The following MROH2A variants were observed in gnomAD, a reference collection of about 807,000 sequenced individuals.
MROH2A encodes the protein maestro heat-like repeat-containing protein family member 2A.
In MROH2A, 174 loss-of-function variants were observed where a neutral mutation model predicts 200.4. That is an observed-to-expected ratio of 0.87 (90% CI 0.77 to 0.98). MROH2A has a LOEUF of 0.98. MROH2A is among the 50% of genes least tolerant of loss of function. MROH2A has a pLI of 0.00. For missense variants in MROH2A, 2,045 were observed against 2,139.6 expected, an observed-to-expected ratio of 0.96 and a Z score of 0.87; for synonymous variants, 829 against 840.4, an observed-to-expected ratio of 0.99 and a Z score of 0.23.
chr2:233,797,709 T>C (rs1702208145), intron 11 of MROH2A, among the ~76,000 whole-genome samples: 1 of 152,170 alleles, frequency 6.6e-6, no homozygotes, highest in Admixed American at 6.5e-5. Context: ...GAAATTAGTA[T>C]TTGCCCTAAT....
chr2:233,799,279 G>C (rs1207030933), intron 12 of MROH2A, among the ~76,000 whole-genome samples: 1 of 152,200 alleles, frequency 6.6e-6, no homozygotes, highest in African/African-American at 2.4e-5. Flanking sequence ...CTGGCCATGG[G>C]CTGGGGAAGG....
At chr2:233,790,076 C>T (rs1234510554) in intron 5 of MROH2A, 62 bp downstream of exon 5, 4 of 1,403,984 alleles carry the variant, frequency 2.8e-6, no homozygotes, top group Non-Finnish European at 3.8e-6. Context: ...CCTCTCTCTG[C>T]CCCTCCCATC....
At chr2:233,805,335 G>A (rs1702726182) in intron 19 of MROH2A, among the ~76,000 whole-genome samples, 1 of 152,162 alleles carries the variant, frequency 6.6e-6, no homozygotes, top group Non-Finnish European at 1.5e-5. Flanking sequence ...AATCACATGT[G>A]TGTATTTCTT....
chr2:233,813,696 A>G lies in MROH2A; in HGVS notation c.2678A>G (p.Glu893Gly). 6.5e-7 allele frequency: 1 copy of G among 1,550,048 alleles called. No individual in the cohort carries two copies. Among genetic ancestry groups the G allele is most frequent in the South Asian group, 1.2e-5 (1 of 83,990 alleles). ...LSKLKPFYST[E>G]ENSELMDISI... The stretch of plus-strand genomic sequence containing the variant: ...AAGCTGAAGCCTTTCTACTCCACAG[A>G]GGAAAACAGTGAGCTGATGGATATC... The change falls in exon 25 of 42, where the codon GAG becomes GGG. Residue 893 changes from glutamate (E) to glycine (G), a missense_variant. By Grantham distance (98) the Glu-to-Gly change is moderately conservative. Transcript: ENST00000389758.
chr2:233,803,008 T>C (rs1702567394), intron 15 of MROH2A, among the ~76,000 whole-genome samples: 2 of 152,240 alleles, frequency 1.3e-5, no homozygotes, highest in Non-Finnish European at 2.9e-5. Flanking sequence ...GGCCTGGCCG[T>C]GCCCTTGTCC....
At position 233,794,453 on chromosome 2, in the gene MROH2A, C is replaced by T. The variant is rs1238683857; in HGVS notation, c.913C>T (p.Pro305Ser). The T allele has an allele frequency of 3.9e-6, 6 of 1,550,448 alleles. No individual in the cohort carries two copies. Among genetic ancestry groups the T allele is most frequent in the Non-Finnish European group, 5.2e-6 (6 of 1,146,852 alleles). The change falls in exon 8 of 42, where the codon CCC (proline) becomes TCC (serine). Residue 305 changes from proline to serine, a missense_variant. Coordinates refer to ENST00000389758, the MANE Select transcript of MROH2A (RefSeq NM_001394639.1). ...GCGGGAGCAGGTCTACGACTACATC[C>T]CCCTGCTGCTGGCGGAGTACCAGGG... is the stretch of plus-strand genomic sequence containing the variant. ...DLREQVYDYI[P>S]LLLAEYQGSL...
rs890816190 is a variant in MROH2A at position 233,820,358 on chromosome 2, G to C, written c.3512+302G>C. ...CCAGAGTAGCCCTTTCCTTCCCTGT[G>C]AACAGAGCTCCAGCAGATGGGCTGC... On this transcript the variant is annotated intron_variant, in intron 31 of 41. Coordinates refer to ENST00000389758, the MANE Select transcript of MROH2A (RefSeq NM_001394639.1). This position sits in a 1 kb window ranked among gnomAD's most constrained non-coding sequence, Gnocchi z 4.1. Among the ~76,000 whole-genome samples the C allele has an allele frequency of 3.9e-5, 6 of 152,330 alleles. No homozygotes were observed. The highest frequency in any genetic ancestry group is 1.3e-4 in the Admixed American group (2 of 15,306).
chr2:233,830,176 C>T (rs1704627086), intron 38 of MROH2A, among the ~76,000 whole-genome samples: 1 of 152,242 alleles, frequency 6.6e-6, no homozygotes. Context: ...GGGAGCGGGC[C>T]TGGCTTCTCC....
intron 19 of MROH2A, among the ~76,000 whole-genome samples, chr2:233,806,728 C>T (rs1275589828): frequency 2.6e-5 from 4 of 152,218 alleles, no homozygotes; most frequent in Non-Finnish European, 4.4e-5. Flanking sequence ...CCCTTTAACA[C>T]GTATAACATG....
At chr2:233,799,639 G>A (rs1702330755) in intron 12 of MROH2A, 141 bp from the exon 13 acceptor site, 2 of 1,067,062 alleles carry the variant, frequency 1.9e-6, no homozygotes, top group South Asian at 3.3e-5. Context: ...GGGGGAGGTG[G>A]ACAGAGTGGG....
intron 14 of MROH2A, among the ~76,000 whole-genome samples, chr2:233,800,618 CGTGTGT>C (rs1296048146): frequency 1.7e-5 from 2 of 120,846 alleles, no homozygotes; most frequent in African/African-American, 6.8e-5. Flanking sequence ...CTTTAAGGCC[CGTGTGT>C]GTGTGTATGT....
chr2:233,832,934 G>A (rs1400411089), intron 41 of MROH2A, among the ~76,000 whole-genome samples: 1 of 152,202 alleles, frequency 6.6e-6, no homozygotes, highest in Admixed American at 6.5e-5. Flanking sequence ...TTCTGTCCCT[G>A]TTAGGGTGGT....
At chr2:233,809,377 C>A in intron 22 of MROH2A, 99 bp downstream of exon 22, 1 of 1,307,756 alleles carries the variant, frequency 7.6e-7, no homozygotes, top group Non-Finnish European at 1.1e-6. Context: ...ACCCAGGGGA[C>A]ATCCAGGCAT....
chr2:233,816,675 T>C (rs531216328), intron 26 of MROH2A, 106 bp from the exon 27 acceptor site: 23 of 660,180 alleles, frequency 3.5e-5, no homozygotes, highest in South Asian at 9.4e-5. Flanking sequence ...CAAGGAAGCA[T>C]TGAAAGTCGA....
At chr2:233,817,972 G>T in intron 27 of MROH2A, 30 bp from the exon 28 acceptor site, 2 of 1,550,418 alleles carry the variant, frequency 1.3e-6, no homozygotes, top group East Asian at 2.4e-5. Flanking sequence ...GAGCACAGAG[G>T]TGTGAGCCCC....
upstream of MROH2A, among the ~76,000 whole-genome samples, chr2:233,775,918 T>G (rs1200482762): frequency 6.6e-6 from 1 of 152,236 alleles, no homozygotes; most frequent in Non-Finnish European, 1.5e-5. Flanking sequence ...TCACAAGATC[T>G]GATGGTTTTA....
intron 30 of MROH2A, 113 bp from the exon 31 acceptor site, chr2:233,819,789 C>T: frequency 1.6e-6 from 2 of 1,231,320 alleles, no homozygotes; most frequent in South Asian, 3.2e-5. Context: ...GGCGCTTAAC[C>T]TCCCCATTGT....
intron 29 of MROH2A, 36 bp downstream of exon 29, chr2:233,818,806 G>A (rs1274931793): frequency 7.2e-6 from 10 of 1,387,700 alleles, no homozygotes; most frequent in African/African-American, 1.4e-5. Context: ...CTGCCAGGCT[G>A]GTCTCAGGGC....
At chr2:233,784,971 C>T in intron 3 of MROH2A, among the ~76,000 whole-genome samples, 1 of 152,000 alleles carries the variant, frequency 6.6e-6, no homozygotes, top group South Asian at 2.1e-4. Flanking sequence ...TGTGGTAAAA[C>T]CCCATCTCTG....
Sources: allele counts gnomAD v4.1 joint callset (sites outside exome capture counted in the v4.1 genomes callset), GRCh38; gene constraint gnomAD v4.1.1; non-coding constraint Gnocchi (gnomAD v3.1); transcripts MANE v1.5; gene names NCBI Gene and HGNC (gene_info 2026-07-23, HGNC 2026-07-21).